The following CCDC9 variants were observed in gnomAD, a reference collection of about 807,000 sequenced individuals.
The protein encoded by CCDC9 is coiled-coil domain containing 9.
Under a neutral mutation model 65.6 loss-of-function variants are expected in CCDC9, and 52 were observed. That is an observed-to-expected ratio of 0.79 (90% CI 0.63 to 1.00). The LOEUF is 1.00. CCDC9 is among the 50% of genes least tolerant of loss of function. The probability of loss-of-function intolerance (pLI) is 0.00; values close to 1 mark genes in which losing one functional copy is unlikely to be tolerated. For missense variants in CCDC9, 834 were observed against 757.2 expected (o/e 1.10, Z -1.19); for synonymous variants, 332 against 280.3 (o/e 1.18, Z -1.84).
At chr19:47,267,596 T>C (rs906295230) in intron 8 of CCDC9, among the ~76,000 whole-genome samples, 20 of 151,498 alleles carry the variant, frequency 1.3e-4, no homozygotes, top group African/African-American at 4.6e-4. Context: ...TGCCCTGACA[T>C]GGGCAGATGC....
chr19:47,271,075 C>T lies in CCDC9; in HGVS notation c.1086-7C>T. 2 of 1,541,076 alleles carry T rather than the reference C, an allele frequency of 1.3e-6. No individual in the cohort carries two copies. Among genetic ancestry groups the T allele is most frequent in the South Asian group, 1.2e-5 (1 of 82,858 alleles). On this transcript the variant is annotated splice_polypyrimidine_tract_variant and splice_region_variant and intron_variant, in intron 10 of 11. Transcript: ENST00000221922. ...CCAGGCATCACCCCTCCCTCTGTTC[C>T]CTCTAGTGACCATGATGACCGCTGG...
In CCDC9 at chr19:47,270,640, G is replaced by A. The variant is rs376220544; in HGVS notation, c.1037G>A (p.Arg346Lys). 6.2e-7 allele frequency: 1 copy of A among 1,612,856 alleles called. No homozygotes were observed. The highest frequency in any genetic ancestry group is 1.3e-5 in the African/African-American group (1 of 75,024). Residue 346 changes from arginine to lysine, a missense_variant, in exon 10 of 12, where the codon AGG becomes AAG. Transcript: ENST00000221922. ...QHKAEASSRR[R>K]RKSSRPQAKA... ...AAAGCTGAGGCCAGCAGCCGCAGAAGGAGAAAGAGCAGTCGGCCCCAGGCC... is the reference window on the plus strand; with the variant it reads ...AAAGCTGAGGCCAGCAGCCGCAGAAAGAGAAAGAGCAGTCGGCCCCAGGCC...
chr19:47,272,229 G>C, downstream of CCDC9: 1 of 1,062,484 alleles, frequency 9.4e-7, no homozygotes, highest in African/African-American at 1.6e-5. Flanking sequence ...GAGGGGCAGA[G>C]GGCTTGGGGG....
downstream of CCDC9, chr19:47,274,995 C>T: frequency 6.8e-7 from 1 of 1,470,374 alleles, no homozygotes; most frequent in African/African-American, 1.5e-5. Context: ...CCCGCGGGGG[C>T]GCTGGCTGCG....
At position 47,271,689 on chromosome 19, in the gene CCDC9, C is replaced by T. The variant is rs185554506; in HGVS notation, c.*11C>T. On this transcript the variant is annotated 3_prime_UTR_variant, in exon 12 of 12. Coordinates refer to ENST00000221922, the MANE Select transcript of CCDC9 (RefSeq NM_015603.3). ...TTTGAGAGTGTATGAAGCTGGCTGC[C>T]TGTGTGTGTGTGTGTGTGTGTGTGT... The T allele has an allele frequency of 3.6e-6, 4 of 1,125,996 alleles. No homozygotes were observed. The highest frequency in any genetic ancestry group is 2.2e-5 in the Admixed American group (1 of 46,386). The allele number at this position is 1,125,996 out of a possible 1,614,324, so 69.8% of individuals were successfully genotyped here.
At chr19:47,270,516 A>G (rs1411350117) in intron 9 of CCDC9, 37 bp from the exon 10 acceptor site, 1 of 1,614,060 alleles carries the variant, frequency 6.2e-7, no homozygotes, top group Non-Finnish European at 8.5e-7. Context: ...TGTGTGCCAC[A>G]CCTTCCCTTC....
Position 47,271,492 on chromosome 19 carries a change from C to T in CCDC9, c.1410C>T (p.Pro470=), listed in dbSNP as rs903099024. The stretch of plus-strand genomic sequence containing the variant: ...GCAGTGAGCAGGCCCACGGAGTCCC[C>T]TTCAGTCCGGAGGAGCCCCTGCTGG... ...IPCSEQAHGV[P]FSPEEPLLEP... The change falls in exon 12 of 12, where the codon CCC becomes CCT. Residue 470 remains proline (P), a synonymous_variant. Coordinates refer to ENST00000221922, the MANE Select transcript of CCDC9 (RefSeq NM_015603.3). 1.2e-6 allele frequency: 2 copies of T among 1,613,194 alleles called. No homozygotes were observed. Among genetic ancestry groups the T allele is most frequent in the Non-Finnish European group, 8.5e-7 (1 of 1,179,820 alleles).
In CCDC9 at chr19:47,270,422, A is replaced by G; in HGVS notation, c.918A>G (p.Pro306=). The G allele has an allele frequency of 6.2e-7, 1 of 1,614,032 alleles. No individual in the cohort carries two copies. Among genetic ancestry groups the G allele is most frequent in the Non-Finnish European group, 8.5e-7 (1 of 1,179,992 alleles). ...EKTDGMFKDG[P]VPAHEPSHRY... is the part of the protein sequence containing the mutation. ...TTTCCCCCAGGTTCAAGGATGGCCCAGTCCCTGCCCATGAACCATCCCACC... is the reference window on the plus strand; with the variant it reads ...TTTCCCCCAGGTTCAAGGATGGCCCGGTCCCTGCCCATGAACCATCCCACC... The change falls in exon 9 of 12, where the codon CCA becomes CCG. Residue 306 remains proline, a synonymous_variant. Transcript: ENST00000221922.
chr19:47,258,996 T>C (rs1460661766), intron 3 of CCDC9, among the ~76,000 whole-genome samples: 1 of 152,186 alleles, frequency 6.6e-6, no homozygotes, highest in Non-Finnish European at 1.5e-5. Context: ...CAGACAAGTC[T>C]GGAATCAGGA....
downstream of CCDC9, chr19:47,273,344 C>A (rs1200536847): frequency 1.1e-5 from 14 of 1,230,994 alleles, no homozygotes; most frequent in East Asian, 4.4e-4. Flanking sequence ...GACTCAGCCC[C>A]TTCTCTCCTC....
chr19:47,274,864 C>T (rs1411376851), downstream of CCDC9: 123 of 1,069,844 alleles, frequency 1.1e-4, 1 homozygote, highest in Non-Finnish European at 1.2e-4. Flanking sequence ...GGGGGCGGGG[C>T]CTGGTGGGGG....
At chr19:47,269,731 G>A (rs886296618) in intron 8 of CCDC9, among the ~76,000 whole-genome samples, 1 of 152,146 alleles carries the variant, frequency 6.6e-6, no homozygotes, top group South Asian at 2.1e-4. Context: ...TGGGAAGAAC[G>A]TTCCAGGAGC....
chr19:47,258,298 G>A, intron 1 of CCDC9, 32 bp from the exon 2 acceptor site: 2 of 1,281,410 alleles, frequency 1.6e-6, no homozygotes, highest in Non-Finnish European at 2.3e-6. Context: ...GGGGGCCATT[G>A]GCCTTTGTCC....
intron 7 of CCDC9, among the ~76,000 whole-genome samples, chr19:47,265,984 CTTTTTTTTT>C (rs1158302196): frequency 2.8e-5 from 2 of 72,626 alleles, no homozygotes; most frequent in African/African-American, 8.2e-5. Flanking sequence ...CCGCTCCTGG[CTTTTTTTTT>C]TTTTTTTTTT....
At chr19:47,275,116 G>T, downstream of CCDC9, 1 of 1,491,458 alleles carries the variant, frequency 6.7e-7, no homozygotes, top group Non-Finnish European at 8.9e-7. Flanking sequence ...GCACCCGCCG[G>T]CCCACAGCCC....
rs138370983 is a variant in CCDC9 at position 47,271,408 on chromosome 19, TGAG to T, written c.1332_1334del (p.Glu445del). The stretch of plus-strand genomic sequence containing the variant: ...AGGAGATCGAGGTGGAAGAAGGTGA[TGAG>T]GAGGAACCAGCCCAAGACCACCAAG... On this transcript the variant is annotated inframe_deletion, in exon 12 of 12. Transcript: ENST00000221922. 182,251 of 1,613,214 alleles carry T rather than the reference TGAG, an allele frequency of 0.11. 11,610 individuals carry two copies. The highest frequency in any genetic ancestry group is 0.2 in the Admixed American group (12,286 of 59,946).
At position 47,266,776 on chromosome 19, in the gene CCDC9, G is replaced by C. The variant is rs1279671093; in HGVS notation, c.886G>C (p.Glu296Gln). ...CCAGTGGAGGCGCGAGTGGGATGCC[G>C]AGAAGACCGATGGGATGTGAGTCTC... is the stretch of plus-strand genomic sequence containing the variant. ...TGQWRREWDA[E>Q]KTDGMFKDGP... The change falls in exon 8 of 12, where the codon GAG (glutamate) becomes CAG (glutamine). Residue 296 changes from glutamate (E) to glutamine (Q), a missense_variant. Glu to Gln is a conservative substitution (Grantham distance 29). Coordinates refer to ENST00000221922, the MANE Select transcript of CCDC9 (RefSeq NM_015603.3). 6.2e-7 allele frequency: 1 copy of C among 1,608,274 alleles called. No individual in the cohort carries two copies. Among genetic ancestry groups the C allele is most frequent in the Non-Finnish European group, 8.5e-7 (1 of 1,177,498 alleles).
downstream of CCDC9, chr19:47,274,384 C>G (rs2059143022): frequency 6.9e-6 from 1 of 144,796 alleles, no homozygotes; most frequent in South Asian, 2.2e-4. Flanking sequence ...GGGGCGTGGT[C>G]GGGGTGTCGC....
In CCDC9 at chr19:47,271,673, G is replaced by A. The variant is rs2059119203; in HGVS notation, c.1591G>A (p.Val531Ile). Reference protein sequence around the residue: ...SPGEAWPFESV With the variant: ...SPGEAWPFESI ...GGGTGAGGCCTGGCCTTTTGAGAGTGTATGAAGCTGGCTGCCTGTGTGTGT... is the reference window on the plus strand; with the variant it reads ...GGGTGAGGCCTGGCCTTTTGAGAGTATATGAAGCTGGCTGCCTGTGTGTGT... Residue 531 changes from valine to isoleucine, a missense_variant, in exon 12 of 12, where the codon GTA (valine) becomes ATA (isoleucine). Coordinates refer to ENST00000221922, the MANE Select transcript of CCDC9 (RefSeq NM_015603.3). The A allele has an allele frequency of 1.3e-6, 2 of 1,590,288 alleles. No individual in the cohort carries two copies. Among genetic ancestry groups the A allele is most frequent in the Non-Finnish European group, 1.7e-6 (2 of 1,169,636 alleles).
Sources: allele counts gnomAD v4.1 joint callset (sites outside exome capture counted in the v4.1 genomes callset), GRCh38; gene constraint gnomAD v4.1.1; transcripts MANE v1.5; gene names NCBI Gene and HGNC (gene_info 2026-07-23, HGNC 2026-07-21).